The following ADCY9 variants were observed in gnomAD, a reference collection of about 807,000 sequenced individuals.
ADCY9 encodes adenylate cyclase type 9.
A neutral mutation model predicts 101.5 loss-of-function variants in ADCY9; 50 were observed. The ratio of observed to expected loss-of-function variants is 0.49; its 90% CI spans 0.39 to 0.62. The LOEUF is 0.62. ADCY9 is among the 20% of genes least tolerant of loss of function. The pLI, the probability that ADCY9 is intolerant of heterozygous loss-of-function variation, is 0.00. For missense variants in ADCY9, 1,662 were observed against 1,800.4 expected, an observed-to-expected ratio of 0.92 and a Z score of 1.39; for synonymous variants, 905 against 769.3, an observed-to-expected ratio of 1.18 and a Z score of -2.92.
chr16:4,093,555 TTTTTTGTCTCTACATAAAAAAAGTA>T (rs2056985904), intron 2 of ADCY9, among the ~76,000 whole-genome samples: 1 of 152,314 alleles, frequency 6.6e-6, no homozygotes, highest in Admixed American at 6.5e-5. Context: ...ATTCAACTTT[TTTTTTGTCTCTACATAAAAAAAGTA>T]TTTTTGTCTC....
intron 2 of ADCY9, among the ~76,000 whole-genome samples, chr16:4,015,975 T>A (rs1967306): frequency 0.94 from 141,047 of 149,676 alleles, 66,865 homozygotes; most frequent in East Asian, 1. Context: ...CTCAAAAAAA[T>A]AAAAGAAAAA....
At chr16:4,052,461 T>C (rs1482133965) in intron 2 of ADCY9, among the ~76,000 whole-genome samples, 1 of 152,184 alleles carries the variant, frequency 6.6e-6, no homozygotes, top group African/African-American at 2.4e-5. Flanking sequence ...AAGGGATGTG[T>C]GTATGTGGAG....
At chr16:3,960,347 CTG>C (rs2055930882), downstream of ADCY9, among the ~76,000 whole-genome samples, 1 of 152,132 alleles carries the variant, frequency 6.6e-6, no homozygotes, top group South Asian at 2.1e-4. Flanking sequence ...TGGTGAAACT[CTG>C]TCTCTACTAA....
rs147717542 is a variant in ADCY9 at position 3,957,276 on chromosome 16, A to G, written c.568-3760T>C. Among the ~76,000 whole-genome samples the G allele has an allele frequency of 4.7e-3, 709 of 152,350 alleles. 4 individuals are homozygous for G. The highest frequency in any genetic ancestry group is 0.015 in the African/African-American group (642 of 41,580). ...AGAAAAGCCTTCTGCCAACACTTCA[A>G]TGGGGCATCCTGAGGCCAGAGGAGG... On this transcript the variant is annotated intron_variant, in intron 5 of 5. Coordinates refer to the ADCY9 transcript ENST00000576936.
intron 7 of ADCY9, among the ~76,000 whole-genome samples, chr16:3,980,950 C>T (rs759485856): frequency 4.6e-5 from 7 of 152,128 alleles, no homozygotes; most frequent in African/African-American, 7.2e-5. Flanking sequence ...CTGGAGGCAA[C>T]GGGCGGGGCC....
At chr16:4,059,828 C>T (rs1567133116) in intron 2 of ADCY9, among the ~76,000 whole-genome samples, 1 of 152,142 alleles carries the variant, frequency 6.6e-6, no homozygotes. Context: ...AGCCTGGGAG[C>T]TTGAGGTTAC....
chr16:3,955,537 GGTTT>G (rs34842697), intron 5 of ADCY9, among the ~76,000 whole-genome samples: 68 of 152,088 alleles, frequency 4.5e-4, no homozygotes, highest in African/African-American at 1.6e-3. Context: ...CCTTCATTTA[GGTTT>G]GTTTGTTTGT....
chr16:4,076,952 C>T (rs2056871160), intron 2 of ADCY9, among the ~76,000 whole-genome samples: 1 of 152,180 alleles, frequency 6.6e-6, no homozygotes, highest in South Asian at 2.1e-4. Context: ...TGGCAGGCAC[C>T]TGTAATCCCA....
At position 4,029,752 on chromosome 16, in the gene ADCY9, TACAAAACAAA is replaced by T. The variant is rs563958226; in HGVS notation, c.1694-22204_1694-22195del. On this transcript the variant is annotated intron_variant, in intron 2 of 10. Coordinates refer to ENST00000294016, the MANE Select transcript of ADCY9 (RefSeq NM_001116.4). ...AGAGTGAGACTCTGTCTCAAGACAA[TACAAAACAAA>T]ACAAAACAAGCCCAACAATAAGAAA... 5.3e-4 allele frequency among the ~76,000 whole-genome samples: 81 copies of T among 151,512 alleles called. 2 individuals are homozygous for T. In the South Asian group the frequency reaches 0.017, roughly 31 times the overall value.
At chr16:4,087,932 T>C (rs555157236) in intron 2 of ADCY9, among the ~76,000 whole-genome samples, 1 of 151,396 alleles carries the variant, frequency 6.6e-6, no homozygotes, top group East Asian at 1.9e-4. Flanking sequence ...CTTCCTTTCT[T>C]CTTCTTTTTT....
Position 3,982,966 on chromosome 16 carries a change from C to T in ADCY9, c.2519+266G>A, listed in dbSNP as rs147072795. 1,271 of 530,320 alleles carry T rather than the reference C, an allele frequency of 2.4e-3. 11 individuals carry two copies. Among genetic ancestry groups the T allele is most frequent in the African/African-American group, 0.022 (1,157 of 52,970 alleles). The allele number at this position is 530,320 out of a possible 1,614,324, so 32.9% of individuals were successfully genotyped here. On this transcript the variant is annotated intron_variant, in intron 7 of 10. Coordinates refer to ENST00000294016, the MANE Select transcript of ADCY9 (RefSeq NM_001116.4). ...ACCTTCTCCTTTGCAGTCTCTGAAC[C>T]TGGAAATCTGGGGACAAGCTGGCAG... is the stretch of plus-strand genomic sequence containing the variant.
At chr16:4,045,481 G>C (rs2056656319) in intron 2 of ADCY9, among the ~76,000 whole-genome samples, 2 of 149,896 alleles carry the variant, frequency 1.3e-5, no homozygotes, top group South Asian at 4.2e-4. Context: ...TGTAATCCCA[G>C]CTACTCAGGA....
In ADCY9 at chr16:4,018,043, G is replaced by A. The variant is rs1734161867; in HGVS notation, c.1694-10485C>T. ...ACAGATGGGCCTTTTCATCCAGGAG[G>A]AGATTTACTTGCAAAGGCATTTTCT... On this transcript the variant is annotated intron_variant, in intron 2 of 10. Transcript: ENST00000294016. Among the ~76,000 whole-genome samples the A allele has an allele frequency of 2.0e-5, 3 of 152,318 alleles. 1 individual carries two copies. The South Asian group carries it at 6.2e-4, about 32-fold the overall frequency.
At chr16:4,091,500 C>T (rs143192511) in intron 2 of ADCY9, among the ~76,000 whole-genome samples, 5 of 152,322 alleles carry the variant, frequency 3.3e-5, no homozygotes, top group South Asian at 2.1e-4. Flanking sequence ...CAAACAAAAA[C>T]GTGTACACGA....
At chr16:4,102,325 A>G (rs1000608914) in intron 2 of ADCY9, among the ~76,000 whole-genome samples, 1 of 152,180 alleles carries the variant, frequency 6.6e-6, no homozygotes, top group Non-Finnish European at 1.5e-5. Flanking sequence ...CCGAGAATTA[A>G]GCCCGAATGT....
At chr16:4,072,994 G>GAAAAAAAAAAAA (rs59730727) in intron 2 of ADCY9, among the ~76,000 whole-genome samples, 2 of 129,674 alleles carry the variant, frequency 1.5e-5, no homozygotes, top group Non-Finnish European at 3.2e-5. Flanking sequence ...TATCCTAAAA[G>GAAAAAAAAAAAA]AAAAAAAAAA....
chr16:4,075,700 A>G (rs1292121817), intron 2 of ADCY9, among the ~76,000 whole-genome samples: 1 of 152,146 alleles, frequency 6.6e-6, no homozygotes, highest in African/African-American at 2.4e-5. Context: ...CCATTAACGC[A>G]AAAGGAGGTA....
chr16:3,981,266 G>A (rs2056140104), intron 7 of ADCY9, among the ~76,000 whole-genome samples: 1 of 152,232 alleles, frequency 6.6e-6, no homozygotes, highest in Non-Finnish European at 1.5e-5. Flanking sequence ...CTACACCGGG[G>A]TTGCCCTCAA....
intron 2 of ADCY9, among the ~76,000 whole-genome samples, chr16:4,066,383 T>C (rs2056801451): frequency 6.6e-6 from 1 of 152,166 alleles, no homozygotes. Flanking sequence ...AGCAGTGATT[T>C]TACCTTTACC....
Sources: gnomAD v4.1 joint callset for allele counts (sites outside exome capture counted in the v4.1 genomes callset) on GRCh38, gnomAD v4.1.1 for gene constraint, MANE v1.5 for transcripts, NCBI Gene and HGNC (gene_info 2026-07-23, HGNC 2026-07-21) for gene names.